NCKAP5: variants seen among roughly 807,000 people sequenced by gnomAD.
The protein encoded by NCKAP5 is NCK associated protein 5.
Under a neutral mutation model 167.0 loss-of-function variants are expected in NCKAP5, and 92 were observed. That is an observed-to-expected ratio of 0.55 (90% CI 0.47 to 0.66). The LOEUF is 0.66. Ranked by LOEUF, NCKAP5 falls within the 30% of genes least tolerant of loss-of-function variation. The pLI is 0.00. For synonymous variants in NCKAP5, 891 were observed against 877.4 expected, an observed-to-expected ratio of 1.02 and a Z score of -0.27; for missense variants, 2,378 against 2,315.0, an observed-to-expected ratio of 1.03 and a Z score of -0.56.
At position 132,673,269 on chromosome 2, in the gene NCKAP5, C is replaced by A. The variant is rs113062166; in HGVS notation, c.*20G>T. 1 of 1,512,478 alleles carries A rather than the reference C, an allele frequency of 6.6e-7. No homozygotes were observed. Among genetic ancestry groups the A allele is most frequent in the South Asian group, 1.3e-5 (1 of 76,724 alleles). The allele number at this position is 1,512,478 out of a possible 1,614,324, so 93.7% of individuals were successfully genotyped here. A position where few individuals can be genotyped will look rare whatever the true frequency, so the allele number is the denominator to read the frequency against. On this transcript the variant is annotated 3_prime_UTR_variant, in exon 20 of 20. Transcript: ENST00000409261. ...AGGGAAATTTTCGATAATCTATTCTCGGGATCGTCTTTTGTTTCTTCAAGT... is the reference window on the plus strand; with the variant it reads ...AGGGAAATTTTCGATAATCTATTCTAGGGATCGTCTTTTGTTTCTTCAAGT...
At chr2:132,960,625 C>T (rs912276585) in intron 8 of NCKAP5, among the ~76,000 whole-genome samples, 3 of 152,110 alleles carry the variant, frequency 2.0e-5, no homozygotes, top group Non-Finnish European at 4.4e-5. Context: ...TCGGAACTTA[C>T]CCCAGAAATG....
chr2:133,139,076 G>C (rs1408148183), intron 5 of NCKAP5, among the ~76,000 whole-genome samples: 5 of 152,252 alleles, frequency 3.3e-5, no homozygotes, highest in African/African-American at 7.2e-5. Flanking sequence ...TGTGCTCCTA[G>C]ACCTCCATAT....
At chr2:133,603,326 C>T in the NCKAP5 span, among the ~76,000 whole-genome samples, 3 of 148,968 alleles carry the variant, frequency 2.0e-5, no homozygotes, top group African/African-American at 7.5e-5. Context: ...TCCCGGGTTC[C>T]AGCAATTCCC....
intron 11 of NCKAP5, among the ~76,000 whole-genome samples, chr2:132,841,508 C>T (rs1472584239): frequency 1.3e-5 from 2 of 151,986 alleles, no homozygotes; most frequent in African/African-American, 4.8e-5. Context: ...TTTATAGTTG[C>T]CATTTCATTT....
intron 6 of NCKAP5, among the ~76,000 whole-genome samples, chr2:133,057,261 T>C (rs951694660): frequency 1.3e-5 from 2 of 152,290 alleles, no homozygotes; most frequent in Admixed American, 6.5e-5. Flanking sequence ...AACCCTACAA[T>C]AGCCTCTAGG....
intron 11 of NCKAP5, among the ~76,000 whole-genome samples, chr2:132,860,198 T>G (rs1200398499): frequency 1.3e-5 from 2 of 152,216 alleles, no homozygotes; most frequent in Non-Finnish European, 2.9e-5. Flanking sequence ...CCCAAAGCAA[T>G]CAATTATTTC....
chr2:132,914,612 G>A (rs1447911230), intron 8 of NCKAP5, among the ~76,000 whole-genome samples: 8 of 152,130 alleles, frequency 5.3e-5, no homozygotes, highest in Middle Eastern at 3.4e-3. Flanking sequence ...GGAGAGAACT[G>A]AGAACACAAT....
chr2:133,290,906 C>A (rs1315043275), intron 4 of NCKAP5, among the ~76,000 whole-genome samples: 1 of 151,790 alleles, frequency 6.6e-6, no homozygotes, highest in Non-Finnish European at 1.5e-5. Flanking sequence ...GAGCACTCAC[C>A]ACTTCCAGCT....
At chr2:133,554,027 A>T (rs890571477) in intron 2 of NCKAP5, among the ~76,000 whole-genome samples, 16 of 152,152 alleles carry the variant, frequency 1.1e-4, no homozygotes, top group African/African-American at 3.6e-4. Context: ...GTCCTCTCCC[A>T]AGCTCATGTG....
chr2:132,928,149 A>G (rs1172769256), intron 8 of NCKAP5, among the ~76,000 whole-genome samples: 3 of 152,196 alleles, frequency 2.0e-5, no homozygotes, highest in Admixed American at 1.3e-4. Context: ...TTTACCACTT[A>G]TTAACTAACT....
chr2:133,559,814 T>C (rs1400231461), intron 1 of NCKAP5, among the ~76,000 whole-genome samples: 1 of 152,228 alleles, frequency 6.6e-6, no homozygotes, highest in Non-Finnish European at 1.5e-5. Context: ...GATCAAATCC[T>C]GGTCTAACGT....
intron 3 of NCKAP5, among the ~76,000 whole-genome samples, chr2:133,375,024 G>A (rs114059574): frequency 4.6e-4 from 70 of 152,214 alleles, no homozygotes; most frequent in East Asian, 1.9e-3. Context: ...CTGTCCCTGC[G>A]CTTTTCTTAC....
At chr2:132,880,586 T>C (rs1296360996) in intron 8 of NCKAP5, among the ~76,000 whole-genome samples, 1 of 151,892 alleles carries the variant, frequency 6.6e-6, no homozygotes, top group African/African-American at 2.4e-5. Context: ...GTGGAGATTA[T>C]GCCACTGCAC....
intron 11 of NCKAP5, among the ~76,000 whole-genome samples, chr2:132,840,452 T>C (rs1574388330): frequency 6.6e-6 from 1 of 152,174 alleles, no homozygotes; most frequent in East Asian, 1.9e-4. Context: ...ATTTTTTGTA[T>C]TTTTAGTAGA....
intron 5 of NCKAP5, among the ~76,000 whole-genome samples, chr2:133,191,471 G>A (rs185974160): frequency 2.0e-4 from 30 of 152,266 alleles, no homozygotes; most frequent in African/African-American, 5.3e-4. Flanking sequence ...ACATGCACAC[G>A]TATGTTTATT....
intron 3 of NCKAP5, among the ~76,000 whole-genome samples, chr2:133,310,992 T>C (rs1308865761): frequency 6.6e-6 from 1 of 152,186 alleles, no homozygotes; most frequent in African/African-American, 2.4e-5. Flanking sequence ...AATGGGAATT[T>C]TTCCCTATAC....
chr2:133,145,552 GT>G (rs139382667), intron 5 of NCKAP5, among the ~76,000 whole-genome samples: 63 of 152,134 alleles, frequency 4.1e-4, no homozygotes, highest in African/African-American at 1.4e-3. Flanking sequence ...CAATCATTAA[GT>G]CTTCTACCTC....
intron 6 of NCKAP5, among the ~76,000 whole-genome samples, chr2:133,074,817 G>T (rs1052488148): frequency 6.6e-6 from 1 of 152,124 alleles, no homozygotes; most frequent in South Asian, 2.1e-4. Context: ...CAGCAAAAAA[G>T]AATATGGTCT....
At chr2:133,451,135 C>G (rs1691523990) in intron 3 of NCKAP5, among the ~76,000 whole-genome samples, 2 of 152,078 alleles carry the variant, frequency 1.3e-5, no homozygotes, top group Non-Finnish European at 1.5e-5. Context: ...TACATAGACA[C>G]AGACTCAAAG....
Sources: gnomAD v4.1 joint callset for allele counts (sites outside exome capture counted in the v4.1 genomes callset) on GRCh38, gnomAD v4.1.1 for gene constraint, MANE v1.5 for transcripts, NCBI Gene and HGNC (gene_info 2026-07-23, HGNC 2026-07-21) for gene names.